Variants in DRC11 observed in about 807,000 individuals in gnomAD.
The protein encoded by DRC11 is IQ and AAA domain-containing protein 1.
chr2:236,507,013 G>A, the DRC11 span, among the ~76,000 whole-genome samples: 2 of 152,184 alleles, frequency 1.3e-5, no homozygotes, highest in African/African-American at 4.8e-5. Context: ...CATCCCCATG[G>A]GGTGGTGGGA....
chr2:236,357,551 T>C, the DRC11 span, among the ~76,000 whole-genome samples: 1 of 86,452 alleles, frequency 1.2e-5, no homozygotes, highest in Non-Finnish European at 2.6e-5. Context: ...TATATATTAT[T>C]ACATATTTAC....
the DRC11 span, among the ~76,000 whole-genome samples, chr2:236,456,417 T>A: frequency 1.3e-5 from 2 of 152,280 alleles, no homozygotes; most frequent in Non-Finnish European, 2.9e-5. This position sits in a 1 kb window ranked among gnomAD's most constrained non-coding sequence, Gnocchi z 5.4. Context: ...GTGTGGCATT[T>A]GCAATGCATT....
chr2:236,448,278 T>A, the DRC11 span, among the ~76,000 whole-genome samples: 1 of 152,228 alleles, frequency 6.6e-6, no homozygotes, highest in South Asian at 2.1e-4. The surrounding 1 kb of genome is among the most constrained non-coding windows in gnomAD (Gnocchi z 5.3). Flanking sequence ...GAAAAACTTA[T>A]ACTATACAAC....
At chr2:236,390,852 T>C in the DRC11 span, among the ~76,000 whole-genome samples, 3 of 152,178 alleles carry the variant, frequency 2.0e-5, no homozygotes, top group Non-Finnish European at 2.9e-5. This position sits in a 1 kb window ranked among gnomAD's most constrained non-coding sequence, Gnocchi z 5.9. Flanking sequence ...TGGTACTGGG[T>C]TTCACTGGCC....
At chr2:236,401,487 T>G in the DRC11 span, among the ~76,000 whole-genome samples, 6 of 152,262 alleles carry the variant, frequency 3.9e-5, no homozygotes, top group Non-Finnish European at 8.8e-5. This position sits in a 1 kb window ranked among gnomAD's most constrained non-coding sequence, Gnocchi z 4.6. Flanking sequence ...GTGTGCGACA[T>G]TTGCTGGATG....
the DRC11 span, among the ~76,000 whole-genome samples, chr2:236,427,422 A>G: frequency 2.0e-5 from 3 of 152,210 alleles, no homozygotes; most frequent in South Asian, 6.2e-4. This position sits in a 1 kb window ranked among gnomAD's most constrained non-coding sequence, Gnocchi z 5.9. Flanking sequence ...CTTTATTGGA[A>G]GGGTTTTGAT....
At chr2:236,346,355 C>T in the DRC11 span, among the ~76,000 whole-genome samples, 748 of 152,296 alleles carry the variant, frequency 4.9e-3, 1 homozygote, top group Non-Finnish European at 8.7e-3. Flanking sequence ...CATCTGAACC[C>T]TATGAAGCAG....
the DRC11 span, among the ~76,000 whole-genome samples, chr2:236,481,490 T>G: frequency 6.6e-6 from 1 of 152,158 alleles, no homozygotes. Context: ...AAGTCATCCT[T>G]AAATCTGAGT....
the DRC11 span, among the ~76,000 whole-genome samples, chr2:236,378,021 C>G: frequency 1.3e-4 from 20 of 152,162 alleles, no homozygotes; most frequent in Non-Finnish European, 2.6e-4. Context: ...GTAAATACAA[C>G]TTTATTTAGA....
the DRC11 span, among the ~76,000 whole-genome samples, chr2:236,320,919 G>A: frequency 1.3e-5 from 2 of 151,656 alleles, no homozygotes; most frequent in Non-Finnish European, 2.9e-5. Context: ...AAAAGTGGGA[G>A]TTCTAGGGCA....
At chr2:236,345,875 C>T in the DRC11 span, among the ~76,000 whole-genome samples, 1 of 152,204 alleles carries the variant, frequency 6.6e-6, no homozygotes, top group African/African-American at 2.4e-5. Context: ...TAAACCAAGA[C>T]AGTCATTCAG....
the DRC11 span, among the ~76,000 whole-genome samples, chr2:236,473,623 G>T: frequency 6.6e-6 from 1 of 151,956 alleles, no homozygotes; most frequent in Admixed American, 6.6e-5. The surrounding 1 kb of genome is among the most constrained non-coding windows in gnomAD (Gnocchi z 4.8). Context: ...TATTTCAAAG[G>T]GATCCACAAA....
chr2:236,451,485 C>G, the DRC11 span, among the ~76,000 whole-genome samples: 27 of 152,168 alleles, frequency 1.8e-4, no homozygotes, highest in East Asian at 1.7e-3. Context: ...TGGGAAAAGG[C>G]AGTGAACAGA....
chr2:236,362,628 A>G, the DRC11 span, among the ~76,000 whole-genome samples: 1 of 152,210 alleles, frequency 6.6e-6, no homozygotes, highest in South Asian at 2.1e-4. This position sits in a 1 kb window ranked among gnomAD's most constrained non-coding sequence, Gnocchi z 5.7. Context: ...TTAGGGAGTC[A>G]AAAGCTATAC....
At chr2:236,309,434 C>T in the DRC11 span, among the ~76,000 whole-genome samples, 7 of 152,104 alleles carry the variant, frequency 4.6e-5, no homozygotes, top group Admixed American at 3.9e-4. The surrounding 1 kb of genome is among the most constrained non-coding windows in gnomAD (Gnocchi z 5.7). Flanking sequence ...ACAGAGACAT[C>T]CTGTTTACTC....
chr2:236,380,174 A>G, the DRC11 span, among the ~76,000 whole-genome samples: 1 of 152,286 alleles, frequency 6.6e-6, no homozygotes, highest in Non-Finnish European at 1.5e-5. This position sits in a 1 kb window ranked among gnomAD's most constrained non-coding sequence, Gnocchi z 4.9. Flanking sequence ...ACTGGGCCTC[A>G]CTGCTCTCAT....
chr2:236,404,993 G>T, the DRC11 span, among the ~76,000 whole-genome samples: 30 of 152,106 alleles, frequency 2.0e-4, no homozygotes, highest in African/African-American at 7.0e-4. Context: ...TTTCACAAAG[G>T]CACTAATCTC....
chr2:236,361,972 A>G, the DRC11 span, among the ~76,000 whole-genome samples: 1 of 152,230 alleles, frequency 6.6e-6, no homozygotes, highest in African/African-American at 2.4e-5. This position sits in a 1 kb window ranked among gnomAD's most constrained non-coding sequence, Gnocchi z 5.7. Context: ...CATTAGTATC[A>G]GACCAGGTAG....
the DRC11 span, among the ~76,000 whole-genome samples, chr2:236,307,052 C>T: frequency 1.3e-5 from 2 of 152,126 alleles, no homozygotes; most frequent in African/African-American, 4.8e-5. The surrounding 1 kb of genome is among the most constrained non-coding windows in gnomAD (Gnocchi z 7.0). Flanking sequence ...GGAGTCTTCA[C>T]TTGACCATCA....
Sources: allele counts gnomAD v4.1 joint callset (sites outside exome capture counted in the v4.1 genomes callset), GRCh38; gene constraint gnomAD v4.1.1; non-coding constraint Gnocchi (gnomAD v3.1); transcripts MANE v1.5; gene names NCBI Gene and HGNC (gene_info 2026-07-23, HGNC 2026-07-21).